The following GALK1 variants were observed in gnomAD, a reference collection of about 807,000 sequenced individuals.
GALK1 encodes the protein galactokinase 1, also known as galactokinase.
Under a neutral mutation model 38.6 loss-of-function variants are expected in GALK1, and 30 were observed. The ratio of observed to expected loss-of-function variants is 0.78; its 90% CI spans 0.58 to 1.05. The LOEUF (loss-of-function observed/expected upper bound fraction) is 1.05. GALK1 is among the 50% of genes least tolerant of loss of function. The probability of loss-of-function intolerance (pLI) is 0.00; values close to 1 mark genes in which losing one functional copy is unlikely to be tolerated. For synonymous variants in GALK1, 240 were observed against 233.6 expected (o/e 1.03, Z -0.25); for missense variants, 512 against 540.5 (o/e 0.95, Z 0.52).
chr17:75,752,457 C>T, intron 8 of GALK1: 1 of 1,613,512 alleles, frequency 6.2e-7, no homozygotes, highest in Non-Finnish European at 8.5e-7. Flanking sequence ...CCCCATCATC[C>T]CTGACATCCC....
At chr17:75,759,052 C>T (rs149183159) in intron 5 of GALK1, among the ~76,000 whole-genome samples, 210 of 152,222 alleles carry the variant, frequency 1.4e-3, no homozygotes, top group Middle Eastern at 0.01. Context: ...GTACTGCGCC[C>T]GGCCAAACCC....
downstream of GALK1, chr17:75,754,693 A>G (rs375629632): frequency 1.7e-5 from 28 of 1,614,014 alleles, no homozygotes; most frequent in East Asian, 1.1e-4. Context: ...CACGTGCCCC[A>G]CCGCGTGCTA....
chr17:75,754,492 C>T (rs1483986034), downstream of GALK1: 12 of 1,573,740 alleles, frequency 7.6e-6, no homozygotes, highest in South Asian at 2.2e-5. Flanking sequence ...GGGTGGGTGA[C>T]CAGGAATGTG....
At chr17:75,751,773 A>G (rs928073640) in intron 8 of GALK1, 4 of 290,048 alleles carry the variant, frequency 1.4e-5, no homozygotes, top group African/African-American at 2.2e-5. Flanking sequence ...TATTTTATAC[A>G]TTATTTTATC....
chr17:75,760,774 T>G (rs1478560633), intron 5 of GALK1, among the ~76,000 whole-genome samples: 1 of 151,268 alleles, frequency 6.6e-6, no homozygotes, highest in African/African-American at 2.4e-5. Flanking sequence ...AGACTCAGTC[T>G]CAAAGAAAAA....
At chr17:75,754,354 TAG>T (rs1189714476), downstream of GALK1, 1 of 607,956 alleles carries the variant, frequency 1.6e-6, no homozygotes, top group East Asian at 2.8e-5. Flanking sequence ...CTCACACCGA[TAG>T]AGTGGCCGGC....
At position 75,758,125 on chromosome 17, in the gene GALK1, C is replaced by T. The variant is rs766965363; in HGVS notation, c.1110G>A (p.Glu370=). 5 of 1,612,562 alleles carry T rather than the reference C, an allele frequency of 3.1e-6. No individual in the cohort carries two copies. Among genetic ancestry groups the T allele is most frequent in the African/African-American group, 1.3e-5 (1 of 74,934 alleles). The change falls in exon 8 of 8, where the codon GAG becomes GAA. Residue 370 remains glutamate, a splice_region_variant and synonymous_variant. Coordinates refer to ENST00000588479, the MANE Select transcript of GALK1 (RefSeq NM_000154.2). ...AAPHAMRHIQ[E]HYGGTATFYL... is the part of the protein sequence containing the mutation. ...AGAAGGTGGCAGTCCCGCCGTAGTG[C>T]TCCTGTAAGAGGCGGGCTGGGGGTG... is the stretch of plus-strand genomic sequence containing the variant.
intron 3 of GALK1, 25 bp downstream of exon 3, chr17:75,763,295 G>C: frequency 6.2e-7 from 1 of 1,613,974 alleles, no homozygotes; most frequent in Non-Finnish European, 8.5e-7. Flanking sequence ...GGAGGGCTGG[G>C]TCAGGGCTGG....
chr17:75,753,928 G>A, downstream of GALK1: 1 of 1,285,010 alleles, frequency 7.8e-7, no homozygotes. Flanking sequence ...GCGCGGGCGG[G>A]AAGGGCGGCA....
At chr17:75,762,098 G>T (rs923321039) in intron 5 of GALK1, among the ~76,000 whole-genome samples, 1 of 152,194 alleles carries the variant, frequency 6.6e-6, no homozygotes, top group Admixed American at 6.5e-5. Context: ...GCCAAGGCAG[G>T]AGGACCACTT....
intron 5 of GALK1, among the ~76,000 whole-genome samples, chr17:75,759,261 C>T (rs918573996): frequency 6.6e-6 from 1 of 152,044 alleles, no homozygotes; most frequent in Non-Finnish European, 1.5e-5. Context: ...AACCCCGTCT[C>T]TACTAAAAAT....
chr17:75,762,563 G>A, intron 5 of GALK1, 141 bp downstream of exon 5: 2 of 841,128 alleles, frequency 2.4e-6, no homozygotes, highest in Non-Finnish European at 4.0e-6. Context: ...TTGGAACCCT[G>A]GGTGCGCAGT....
At chr17:75,764,464 C>T in intron 1 of GALK1, 1 of 554,846 alleles carries the variant, frequency 1.8e-6, no homozygotes, top group South Asian at 1.4e-5. Context: ...GCGCCCCCCG[C>T]TGAAAGCTGG....
At chr17:75,753,654 C>A, downstream of GALK1, 1 of 686,492 alleles carries the variant, frequency 1.5e-6, no homozygotes, top group Non-Finnish European at 2.0e-6. Flanking sequence ...CCCCGGGATC[C>A]CGGGAGCTGG....
chr17:75,756,677 C>G, downstream of GALK1: 1 of 1,613,442 alleles, frequency 6.2e-7, no homozygotes, highest in Middle Eastern at 1.7e-4. Context: ...CACCCACAGG[C>G]TGATGCTCTT....
chr17:75,758,026 A>T lies in GALK1; in HGVS notation c.*30T>A. On this transcript the variant is annotated 3_prime_UTR_variant, in exon 8 of 8. Transcript: ENST00000588479. ...CGTGGGACTGGCCTGCAGGCCCCGC[A>T]CCCTCACCGTGTGCTGTCCTGGGGG... 1 of 1,611,668 alleles carries T rather than the reference A, an allele frequency of 6.2e-7. No homozygotes were observed. Among genetic ancestry groups the T allele is most frequent in the Non-Finnish European group, 8.5e-7 (1 of 1,179,402 alleles).
chr17:75,752,286 C>T lies in GALK1; in HGVS notation c.*23-549G>A, dbSNP rs773974926. On this transcript the variant is annotated intron_variant, in intron 8 of 8. Coordinates refer to the GALK1 transcript ENST00000225614. Reference sequence around the variant, plus strand: ...ACCGCTACACGGTGAAGGCGCGCAACGGGGCCGGCTGGGGGCCTGAGCGGG... The same window carrying T: ...ACCGCTACACGGTGAAGGCGCGCAATGGGGCCGGCTGGGGGCCTGAGCGGG... 17 of 1,613,340 alleles carry T rather than the reference C, an allele frequency of 1.1e-5. No individual in the cohort carries two copies. Among genetic ancestry groups the T allele is most frequent in the East Asian group, 6.7e-5 (3 of 44,882 alleles).
chr17:75,756,737 C>T (rs2061515541), downstream of GALK1: 2 of 1,613,202 alleles, frequency 1.2e-6, no homozygotes, highest in South Asian at 1.1e-5. Flanking sequence ...CCCAGTGCCC[C>T]AGGCCCGCTG....
chr17:75,764,152 G>C, intron 1 of GALK1, 66 bp from the exon 2 acceptor site: 4 of 1,416,992 alleles, frequency 2.8e-6, no homozygotes, highest in East Asian at 4.8e-5. Context: ...CAATGACACT[G>C]CCTCCAGCCG....
Sources: allele counts gnomAD v4.1 joint callset (sites outside exome capture counted in the v4.1 genomes callset), GRCh38; gene constraint gnomAD v4.1.1; transcripts MANE v1.5; gene names NCBI Gene and HGNC (gene_info 2026-07-23, HGNC 2026-07-21).